The following CBLB variants were observed in gnomAD, a reference collection of about 807,000 sequenced individuals.
CBLB encodes the protein E3 ubiquitin-protein ligase CBL-B.
CBLB carries 31 observed loss-of-function variants against 104.9 expected under a neutral mutation model. The ratio of observed to expected loss-of-function variants is 0.30; its 90% CI spans 0.22 to 0.40. The LOEUF is 0.40. CBLB is among the 10% of genes least tolerant of loss of function. The pLI is 1.00. For missense variants in CBLB, 1,062 were observed against 1,214.6 expected (o/e 0.87, Z 1.87); for synonymous variants, 440 against 422.6 (o/e 1.04, Z -0.51).
chr3:105,762,306 G>A (rs2077719865), intron 4 of CBLB: 1 of 152,226 alleles, frequency 6.6e-6, no homozygotes. Flanking sequence ...TAAGTAAGGA[G>A]GAGCCAAATG....
intron 10 of CBLB, among the ~76,000 whole-genome samples, chr3:105,715,458 T>G (rs2071717567): frequency 6.6e-6 from 1 of 152,190 alleles, no homozygotes; most frequent in African/African-American, 2.4e-5. Flanking sequence ...CACTATATGT[T>G]TAGTATGCTA....
At position 105,741,095 on chromosome 3, in the gene CBLB, G is replaced by GTTTTTT. The variant is rs66493673; in HGVS notation, c.846-470_846-465dup. Reference sequence around the variant, plus strand: ...TTGTAATTTAGACATAAAAATTAGGGTTTTTTTTTTTTTTTTTTTTTTGAG... The same window carrying GTTTTTT: ...TTGTAATTTAGACATAAAAATTAGGGTTTTTTTTTTTTTTTTTTTTTTTTTTTTGAG... On this transcript the variant is annotated intron_variant, in intron 6 of 18. Coordinates refer to ENST00000394030, the MANE Select transcript of CBLB (RefSeq NM_170662.5). 2.9e-4 allele frequency among the ~76,000 whole-genome samples: 31 copies of GTTTTTT among 108,198 alleles called. 2 individuals carry two copies. The highest frequency in any genetic ancestry group is 1.3e-3 in the South Asian group (4 of 2,972). The allele number at this position is 108,198 out of a possible 152,430, so 71.0% of individuals were successfully genotyped here.
At chr3:105,814,071 T>C (rs1301723115) in intron 3 of CBLB, among the ~76,000 whole-genome samples, 3 of 152,260 alleles carry the variant, frequency 2.0e-5, no homozygotes, top group East Asian at 1.9e-4. Flanking sequence ...TAATTCTTTC[T>C]AATGAAAATT....
intron 14 of CBLB, among the ~76,000 whole-genome samples, chr3:105,682,664 G>A (rs890821798): frequency 6.6e-6 from 1 of 151,978 alleles, no homozygotes; most frequent in East Asian, 1.9e-4. Context: ...GCACCACCAC[G>A]CCCAGCCAAT....
chr3:105,846,363 CAT>C (rs1469215642), intron 3 of CBLB, among the ~76,000 whole-genome samples: 5 of 151,898 alleles, frequency 3.3e-5, no homozygotes, highest in African/African-American at 1.2e-4. Context: ...TTACATATTT[CAT>C]AGATATCCAA....
rs2080021603 is a variant in CBLB, at chr3:105,780,220, T to C, written c.420-3678A>G. Among the ~76,000 whole-genome samples the C allele has an allele frequency of 2.6e-5, 4 of 152,054 alleles. No individual in the cohort carries two copies. In the South Asian group the frequency reaches 8.3e-4, roughly 31 times the overall value. ...AAAACAATCCAAGAATACAGTCATC[T>C]CTAACCATCTAGACATAGGGAGAAG... On this transcript the variant is annotated intron_variant, in intron 3 of 18. Coordinates refer to ENST00000394030, the MANE Select transcript of CBLB (RefSeq NM_170662.5).
chr3:105,717,670 T>G (rs1163576301), intron 10 of CBLB, among the ~76,000 whole-genome samples: 1 of 152,214 alleles, frequency 6.6e-6, no homozygotes, highest in African/African-American at 2.4e-5. Context: ...GTCATGTGAT[T>G]TGTTTGTATT....
rs150730831 is a variant in CBLB at position 105,779,953 on chromosome 3, A to C, written c.420-3411T>G. On this transcript the variant is annotated intron_variant, in intron 3 of 18. Transcript: ENST00000394030. ...ACTGCAACTTCTGCCTCCCGGGTTC[A>C]AGCAATCCTCCTGTCTCAGCCTCCC... 9.1e-4 allele frequency among the ~76,000 whole-genome samples: 138 copies of C among 151,882 alleles called. No homozygotes were observed. In the East Asian group the frequency reaches 0.026, roughly 29 times the overall value.
At chr3:105,788,759 C>A (rs2081309010) in intron 3 of CBLB, among the ~76,000 whole-genome samples, 1 of 152,184 alleles carries the variant, frequency 6.6e-6, no homozygotes, top group Admixed American at 6.6e-5. Flanking sequence ...TATTTCCCTC[C>A]CCTTTTACTG....
At position 105,868,976 on chromosome 3, in the gene CBLB, A is replaced by C. The variant is rs1706680614; in HGVS notation, c.-255T>G. The C allele has an allele frequency of 9.7e-7, 1 of 1,028,078 alleles. No homozygotes were observed. The highest frequency in any genetic ancestry group is 1.2e-6 in the Non-Finnish European group (1 of 857,900). 63.7% of individuals were successfully genotyped at this position (1,028,078 alleles called of 1,614,324 possible). On this transcript the variant is annotated 5_prime_UTR_variant, in exon 1 of 19. Coordinates refer to ENST00000394030, the MANE Select transcript of CBLB (RefSeq NM_170662.5). The stretch of plus-strand genomic sequence containing the variant: ...ACTCGGGGAGGCCGCGGGACGCCGC[A>C]GCAGCACTAGCAGGAGGAGGAGACC...
chr3:105,863,613 G>A (rs1294229958), intron 2 of CBLB, among the ~76,000 whole-genome samples: 1 of 152,006 alleles, frequency 6.6e-6, no homozygotes, highest in Non-Finnish European at 1.5e-5. Flanking sequence ...TATAATCCAA[G>A]CATCCTTGAT....
chr3:105,812,939 G>A (rs1406765553), intron 3 of CBLB, among the ~76,000 whole-genome samples: 2 of 152,062 alleles, frequency 1.3e-5, no homozygotes, highest in Non-Finnish European at 2.9e-5. Flanking sequence ...TCTAGGAAAT[G>A]TAAATAAAAT....
At chr3:105,839,805 T>C (rs1372659044) in intron 3 of CBLB, among the ~76,000 whole-genome samples, 1 of 152,264 alleles carries the variant, frequency 6.6e-6, no homozygotes, top group Non-Finnish European at 1.5e-5. Context: ...AAAAGTATTG[T>C]GATAAATTAT....
At chr3:105,674,277 G>A (rs534340476) in intron 17 of CBLB, among the ~76,000 whole-genome samples, 15 of 152,204 alleles carry the variant, frequency 9.9e-5, no homozygotes, top group Non-Finnish European at 1.9e-4. Flanking sequence ...TCATGATGAT[G>A]CTTTATAAAG....
chr3:105,741,101 T>TTG (rs1430178494), intron 6 of CBLB, among the ~76,000 whole-genome samples: 15 of 138,598 alleles, frequency 1.1e-4, no homozygotes, highest in East Asian at 4.1e-4. Context: ...TAGGGTTTTT[T>TTG]TTTTTTTTTT....
At chr3:105,797,488 G>A (rs2082373883) in intron 3 of CBLB, among the ~76,000 whole-genome samples, 1 of 152,034 alleles carries the variant, frequency 6.6e-6, no homozygotes, top group South Asian at 2.1e-4. Context: ...ACTACCCATG[G>A]GGAACTATGC....
intron 10 of CBLB, among the ~76,000 whole-genome samples, chr3:105,712,849 G>T (rs1281173265): frequency 6.6e-6 from 1 of 152,066 alleles, no homozygotes; most frequent in Non-Finnish European, 1.5e-5. Context: ...TAAAATTTTG[G>T]CATCTAATTC....
intron 3 of CBLB, among the ~76,000 whole-genome samples, chr3:105,835,208 TC>T (rs2088270493): frequency 6.6e-6 from 1 of 152,206 alleles, no homozygotes; most frequent in African/African-American, 2.4e-5. Flanking sequence ...GAATGTATTT[TC>T]CTATATCATG....
At position 105,793,008 on chromosome 3, in the gene CBLB, C is replaced by T. The variant is rs575274832; in HGVS notation, c.420-16466G>A. On this transcript the variant is annotated intron_variant, in intron 3 of 18. Coordinates refer to ENST00000394030, the MANE Select transcript of CBLB (RefSeq NM_170662.5). ...TGATTTTTCCTCCTCTTATGTATCT[C>T]CTTGTAACTTAATAATTAAAGAGCA... Among the ~76,000 whole-genome samples, 10 of 152,256 alleles carry T rather than the reference C, an allele frequency of 6.6e-5. No homozygotes were observed. The South Asian group carries it at 2.1e-3, about 32-fold the overall frequency.
Sources: gnomAD v4.1 joint callset for allele counts (sites outside exome capture counted in the v4.1 genomes callset) on GRCh38, gnomAD v4.1.1 for gene constraint, MANE v1.5 for transcripts, NCBI Gene and HGNC (gene_info 2026-07-23, HGNC 2026-07-21) for gene names.